The following GRM1 variants were observed in gnomAD, a reference collection of about 807,000 sequenced individuals.
GRM1 encodes the protein metabotropic glutamate receptor 1.
Under a neutral mutation model 90.9 loss-of-function variants are expected in GRM1, and 33 were observed. The observed-to-expected ratio is 0.36, with a 90% CI of 0.28 to 0.49. The LOEUF is 0.49. GRM1 is among the 20% of genes least tolerant of loss of function. The pLI, the probability that GRM1 is intolerant of heterozygous loss-of-function variation, is 0.99. For missense variants in GRM1, 1,190 were observed against 1,534.3 expected, an observed-to-expected ratio of 0.78 and a Z score of 3.75; for synonymous variants, 700 against 613.2, an observed-to-expected ratio of 1.14 and a Z score of -2.09.
chr6:146,159,575 G>T lies in GRM1; in HGVS notation c.928G>T (p.Gly310Cys), dbSNP rs1164722362. 6.2e-7 allele frequency: 1 copy of T among 1,612,116 alleles called. No homozygotes were observed. The highest frequency in any genetic ancestry group is 8.5e-7 in the Non-Finnish European group (1 of 1,179,534). Residue 310 changes from glycine to cysteine, a missense_variant, in exon 2 of 8, where the codon GGC (glycine) becomes TGC (cysteine). Transcript: ENST00000282753. ...LSAMRRLGVV[G>C]EFSLIGSDGW... ...CGCCATGCGGCGCCTTGGCGTCGTG[G>T]GCGAGTTCTCACTCATTGGAAGGTA...
At chr6:146,069,482 G>A (rs1299893423) in intron 1 of GRM1, among the ~76,000 whole-genome samples, 2 of 152,080 alleles carry the variant, frequency 1.3e-5, no homozygotes, top group Non-Finnish European at 2.9e-5. Flanking sequence ...TACAGATAAG[G>A]TTTTGATATG....
chr6:146,295,011 A>G (rs758954264), intron 2 of GRM1, among the ~76,000 whole-genome samples: 1 of 152,108 alleles, frequency 6.6e-6, no homozygotes, highest in Non-Finnish European at 1.5e-5. Context: ...GAATTTACAT[A>G]TAATCACTGA....
At chr6:146,410,920 T>A (rs6933565) in intron 7 of GRM1, among the ~76,000 whole-genome samples, 11,276 of 152,232 alleles carry the variant, frequency 0.074, 1,403 homozygotes, top group African/African-American at 0.25. Flanking sequence ...TTTGCTAGGA[T>A]GGTTAGAATT....
chr6:146,132,698 A>T (rs1776455392), intron 1 of GRM1, among the ~76,000 whole-genome samples: 1 of 152,310 alleles, frequency 6.6e-6, no homozygotes, highest in Non-Finnish European at 1.5e-5. Flanking sequence ...CAGAATCAAG[A>T]CCTACTTTAA....
At chr6:146,207,204 G>A (rs1028362975) in intron 2 of GRM1, among the ~76,000 whole-genome samples, 6 of 152,090 alleles carry the variant, frequency 3.9e-5, no homozygotes, top group Non-Finnish European at 1.5e-5. Context: ...TCAAATGGTA[G>A]TATACTTTAA....
At chr6:146,371,672 T>C (rs1042761136) in intron 5 of GRM1, among the ~76,000 whole-genome samples, 3 of 152,020 alleles carry the variant, frequency 2.0e-5, no homozygotes, top group Non-Finnish European at 2.9e-5. Flanking sequence ...GTGAGTTCAA[T>C]TGATTTGATT....
intron 6 of GRM1, among the ~76,000 whole-genome samples, chr6:146,390,097 T>G (rs933786084): frequency 6.6e-6 from 1 of 152,106 alleles, no homozygotes; most frequent in Non-Finnish European, 1.5e-5. Flanking sequence ...AAATATTAGT[T>G]AAAATGAGAA....
intron 1 of GRM1, among the ~76,000 whole-genome samples, chr6:146,116,751 T>G (rs1423589128): frequency 6.6e-6 from 1 of 152,118 alleles, no homozygotes. Context: ...TCTTTTACAT[T>G]TTTCAATTTT....
At position 146,428,440 on chromosome 6, in the gene GRM1, G is replaced by A. The variant is rs544670738; in HGVS notation, c.2661-5432G>A. Among the ~76,000 whole-genome samples, 3 of 152,258 alleles carry A rather than the reference G, an allele frequency of 2.0e-5. No individual in the cohort carries two copies. In the South Asian group the frequency reaches 6.2e-4, roughly 32 times the overall value. On this transcript the variant is annotated intron_variant, in intron 7 of 7. Transcript: ENST00000282753. The stretch of plus-strand genomic sequence containing the variant: ...AAAATTGGTGAATTTTCCAGTTGCA[G>A]GAAATATGGCAGTTGCATTTCTTTG...
intron 2 of GRM1, among the ~76,000 whole-genome samples, chr6:146,275,002 C>T (rs979745465): frequency 1.3e-5 from 2 of 151,822 alleles, no homozygotes; most frequent in Non-Finnish European, 2.9e-5. Flanking sequence ...TGCACTCCAG[C>T]CTGGGTGACA....
intron 1 of GRM1, among the ~76,000 whole-genome samples, chr6:146,100,574 C>T (rs537654083): frequency 6.6e-6 from 1 of 152,274 alleles, no homozygotes; most frequent in South Asian, 2.1e-4. Flanking sequence ...GAAGTTGTTT[C>T]TGAACTTAAA....
intron 7 of GRM1, among the ~76,000 whole-genome samples, chr6:146,428,497 G>A (rs747024791): frequency 4.6e-5 from 7 of 152,270 alleles, no homozygotes; most frequent in Non-Finnish European, 1.0e-4. Context: ...AAATTTACCA[G>A]TTTTCCCATT....
chr6:146,200,902 T>A (rs1457847729), intron 2 of GRM1, among the ~76,000 whole-genome samples: 1 of 152,184 alleles, frequency 6.6e-6, no homozygotes, highest in African/African-American at 2.4e-5. Flanking sequence ...AAATTGTCCA[T>A]TAGAAGCATC....
intron 7 of GRM1, among the ~76,000 whole-genome samples, chr6:146,403,255 T>C (rs1777220134): frequency 6.6e-6 from 1 of 152,114 alleles, no homozygotes; most frequent in Non-Finnish European, 1.5e-5. Context: ...AGTAATTACA[T>C]CAGTGATTAC....
Position 146,304,679 on chromosome 6 carries a change from T to C in GRM1, c.1019T>C (p.Ile340Thr). ...GTGGAAGCCAACGGGGGAATCACGATAAAGCTGCAGTCTCCAGAGGTCAGG... is the reference window on the plus strand; with the variant it reads ...GTGGAAGCCAACGGGGGAATCACGACAAAGCTGCAGTCTCCAGAGGTCAGG... Reference protein sequence around the residue: ...YEVEANGGITIKLQSPEVRSF... With the variant: ...YEVEANGGITTKLQSPEVRSF... The change falls in exon 3 of 8, where the codon ATA (isoleucine) becomes ACA (threonine). Residue 340 changes from isoleucine to threonine, a missense_variant. Ile to Thr is a moderately conservative substitution (Grantham distance 89). Coordinates refer to ENST00000282753, the MANE Select transcript of GRM1 (RefSeq NM_001278064.2). 6.2e-7 allele frequency: 1 copy of C among 1,614,028 alleles called. No individual in the cohort carries two copies. The highest frequency in any genetic ancestry group is 8.5e-7 in the Non-Finnish European group (1 of 1,179,968).
chr6:146,196,436 C>T (rs544665977), intron 2 of GRM1, among the ~76,000 whole-genome samples: 20 of 151,054 alleles, frequency 1.3e-4, no homozygotes, highest in Non-Finnish European at 2.2e-4. Flanking sequence ...TACAGGCACC[C>T]GCCACCATGC....
At position 146,304,625 on chromosome 6, in the gene GRM1, A is replaced by G; in HGVS notation, c.965A>G (p.Asp322Gly). ...GCATTTTTTAGTGATGGATGGGCAG[A>G]CAGAGATGAAGTCATTGAAGGTTAT... ...FSLIGSDGWA[D>G]RDEVIEGYEV... Residue 322 changes from aspartate to glycine, a missense_variant, in exon 3 of 8, where the codon GAC (aspartate) becomes GGC (glycine). By Grantham distance (94) the Asp-to-Gly change is moderately conservative. Around this residue, in one of 10 missense-constraint regions of GRM1, gnomAD observed 414 missense variants for 598.4 expected, o/e 0.69. Coordinates refer to ENST00000282753, the MANE Select transcript of GRM1 (RefSeq NM_001278064.2). The G allele has an allele frequency of 6.2e-7, 1 of 1,612,414 alleles. No homozygotes were observed. The highest frequency in any genetic ancestry group is 8.5e-7 in the Non-Finnish European group (1 of 1,178,580).
At chr6:146,251,157 A>T (rs1781256648) in intron 2 of GRM1, among the ~76,000 whole-genome samples, 1 of 152,182 alleles carries the variant, frequency 6.6e-6, no homozygotes, top group African/African-American at 2.4e-5. Context: ...CATTTAAATG[A>T]TTGCAGACAG....
At chr6:146,313,470 A>G (rs1783844229) in intron 3 of GRM1, among the ~76,000 whole-genome samples, 1 of 152,180 alleles carries the variant, frequency 6.6e-6, no homozygotes, top group African/African-American at 2.4e-5. Flanking sequence ...GTTAGTATCT[A>G]TTTAGATTGT....
Sources: gnomAD v4.1 joint callset for allele counts (sites outside exome capture counted in the v4.1 genomes callset) on GRCh38, gnomAD v4.1.1 for gene constraint, gnomAD v4.1.1 regional missense constraint, MANE v1.5 for transcripts, NCBI Gene and HGNC (gene_info 2026-07-23, HGNC 2026-07-21) for gene names.